BRINP1: variants seen among roughly 807,000 people sequenced by gnomAD.
The protein encoded by BRINP1 is BMP/retinoic acid inducible neural specific 1.
BRINP1 carries 17 observed loss-of-function variants against 72.9 expected under a neutral mutation model. The observed-to-expected ratio is 0.23, with a 90% CI of 0.16 to 0.35. The LOEUF is 0.35. Ranked by LOEUF, BRINP1 falls within the 10% of genes least tolerant of loss-of-function variation. The pLI, the probability that BRINP1 is intolerant of heterozygous loss-of-function variation, is 1.00. For missense variants in BRINP1, 850 were observed against 1,001.6 expected (o/e 0.85, Z 2.04); for synonymous variants, 418 against 378.5 (o/e 1.10, Z -1.21).
intron 1 of BRINP1, among the ~76,000 whole-genome samples, chr9:119,316,436 C>T (rs1010520658): frequency 2.0e-5 from 3 of 152,046 alleles, no homozygotes; most frequent in Non-Finnish European, 2.9e-5. Flanking sequence ...CTGAAGATGT[C>T]GATGATTTTC....
chr9:119,202,800 T>C (rs1461599921), intron 7 of BRINP1, among the ~76,000 whole-genome samples: 1 of 152,132 alleles, frequency 6.6e-6, no homozygotes, highest in Non-Finnish European at 1.5e-5. Flanking sequence ...ACAGGTGTGG[T>C]CCGGAATTAT....
chr9:119,347,961 C>T (rs1160158160), intron 1 of BRINP1, among the ~76,000 whole-genome samples: 3 of 152,116 alleles, frequency 2.0e-5, no homozygotes, highest in Admixed American at 2.0e-4. Flanking sequence ...GAACCTACAC[C>T]GATGTATCAT....
At position 119,291,995 on chromosome 9, in the gene BRINP1, T is replaced by A. The variant is rs544352591; in HGVS notation, c.218+21143A>T. Reference sequence around the variant, plus strand: ...GAAAACAATCTTAGAAAAAAAATACTTTATTCCCGGAGTCAGAAAATGACA... The same window carrying A: ...GAAAACAATCTTAGAAAAAAAATACATTATTCCCGGAGTCAGAAAATGACA... On this transcript the variant is annotated intron_variant, in intron 2 of 7. Coordinates refer to ENST00000265922, the MANE Select transcript of BRINP1 (RefSeq NM_014618.3). Among the ~76,000 whole-genome samples the A allele has an allele frequency of 1.3e-5, 2 of 152,164 alleles. 1 individual carries two copies. Among genetic ancestry groups the A allele is most frequent in the Non-Finnish European group, 2.9e-5 (2 of 68,032 alleles).
At chr9:119,247,062 C>T (rs953848442) in intron 3 of BRINP1, among the ~76,000 whole-genome samples, 3 of 152,146 alleles carry the variant, frequency 2.0e-5, no homozygotes, top group Non-Finnish European at 4.4e-5. Context: ...TTGGGGTTTC[C>T]AGGAACTCAG....
intron 2 of BRINP1, among the ~76,000 whole-genome samples, chr9:119,286,623 T>C (rs1830763846): frequency 6.6e-6 from 1 of 152,242 alleles, no homozygotes; most frequent in Admixed American, 6.5e-5. Context: ...AGCGTTTTCA[T>C]ATATGAAATT....
At chr9:119,344,330 G>A (rs1373716450) in intron 1 of BRINP1, among the ~76,000 whole-genome samples, 1 of 152,150 alleles carries the variant, frequency 6.6e-6, no homozygotes, top group African/African-American at 2.4e-5. Context: ...AAATACATAT[G>A]TATAAACACA....
At chr9:119,342,883 C>T (rs77481966) in intron 1 of BRINP1, among the ~76,000 whole-genome samples, 6,959 of 152,230 alleles carry the variant, frequency 0.046, 272 homozygotes, top group Admixed American at 0.13. Context: ...ACTGAGGCAT[C>T]CCCCAGTTCA....
At chr9:119,295,635 C>T (rs888110129) in intron 2 of BRINP1, among the ~76,000 whole-genome samples, 1 of 151,864 alleles carries the variant, frequency 6.6e-6, no homozygotes, top group Non-Finnish European at 1.5e-5. Flanking sequence ...CAGTGTGTCA[C>T]TGCATTACAA....
intron 7 of BRINP1, among the ~76,000 whole-genome samples, chr9:119,188,871 A>G (rs537271549): frequency 6.6e-6 from 1 of 152,310 alleles, no homozygotes; most frequent in Non-Finnish European, 1.5e-5. Flanking sequence ...TCACTGGTAG[A>G]GGTAAATTCA....
intron 2 of BRINP1, among the ~76,000 whole-genome samples, chr9:119,298,730 A>G (rs1001862547): frequency 1.3e-5 from 2 of 152,030 alleles, no homozygotes; most frequent in Non-Finnish European, 2.9e-5. Flanking sequence ...ACACCCTTCT[A>G]GCTTTGACAT....
chr9:119,195,499 A>G (rs1423828979), intron 7 of BRINP1, among the ~76,000 whole-genome samples: 1 of 152,232 alleles, frequency 6.6e-6, no homozygotes, highest in Admixed American at 6.5e-5. Flanking sequence ...TTCCGATCAC[A>G]TAACATCATC....
intron 5 of BRINP1, among the ~76,000 whole-genome samples, chr9:119,221,962 T>C (rs1264166147): frequency 6.6e-6 from 1 of 152,164 alleles, no homozygotes; most frequent in Non-Finnish European, 1.5e-5. Flanking sequence ...TTGACCCACA[T>C]TCAGTGCTCC....
intron 5 of BRINP1, among the ~76,000 whole-genome samples, chr9:119,230,590 T>C (rs2118897056): frequency 1.3e-5 from 2 of 152,044 alleles, no homozygotes; most frequent in South Asian, 4.2e-4. Flanking sequence ...GAGGATGTCA[T>C]TTTAGGCATG....
At chr9:119,262,244 C>T (rs1228817370) in intron 2 of BRINP1, among the ~76,000 whole-genome samples, 1 of 152,096 alleles carries the variant, frequency 6.6e-6, no homozygotes, top group Non-Finnish European at 1.5e-5. Context: ...TTATGAGACC[C>T]AAGTCTATGA....
intron 3 of BRINP1, among the ~76,000 whole-genome samples, chr9:119,248,538 A>G (rs1190114752): frequency 6.6e-6 from 1 of 152,214 alleles, no homozygotes; most frequent in African/African-American, 2.4e-5. Flanking sequence ...CAGGAGTTAC[A>G]AATGATAGCC....
intron 7 of BRINP1, among the ~76,000 whole-genome samples, chr9:119,199,701 G>A (rs1342765232): frequency 6.6e-6 from 1 of 151,984 alleles, no homozygotes; most frequent in Non-Finnish European, 1.5e-5. Context: ...CCAGATATAA[G>A]TAAGAAATAT....
At chr9:119,275,899 G>A (rs1221140) in intron 2 of BRINP1, among the ~76,000 whole-genome samples, 27,876 of 151,970 alleles carry the variant, frequency 0.18, 3,082 homozygotes, top group South Asian at 0.28. Flanking sequence ...AGTAAAGAGC[G>A]AAATCCTCCC....
chr9:119,208,457 C>A (rs1371763124), intron 7 of BRINP1, among the ~76,000 whole-genome samples: 1 of 152,022 alleles, frequency 6.6e-6, no homozygotes, highest in Admixed American at 6.6e-5. Flanking sequence ...GCTAGTGTTC[C>A]CCTCCTCAAT....
chr9:119,194,943 TA>T (rs1829720539), intron 7 of BRINP1, among the ~76,000 whole-genome samples: 1 of 152,208 alleles, frequency 6.6e-6, no homozygotes, highest in African/African-American at 2.4e-5. Context: ...TGCTACATAA[TA>T]AAAATTAACA....
Sources: allele counts gnomAD v4.1 joint callset (sites outside exome capture counted in the v4.1 genomes callset), GRCh38; gene constraint gnomAD v4.1.1; transcripts MANE v1.5; gene names NCBI Gene and HGNC (gene_info 2026-07-23, HGNC 2026-07-21).